CDH17: variants seen among roughly 807,000 people sequenced by gnomAD.
CDH17 encodes the protein cadherin 17.
Under a neutral mutation model 86.3 loss-of-function variants are expected in CDH17, and 67 were observed. The ratio of observed to expected loss-of-function variants is 0.78; its 90% CI spans 0.64 to 0.95. The LOEUF (loss-of-function observed/expected upper bound fraction) is 0.95. CDH17 is among the 40% of genes least tolerant of loss of function. The pLI, the probability that CDH17 is intolerant of heterozygous loss-of-function variation, is 0.00. For missense variants in CDH17, 993 were observed against 1,017.6 expected (o/e 0.98, Z 0.33); for synonymous variants, 367 against 366.4 (o/e 1.00, Z -0.02).
chr8:94,176,517 A>T (rs1813376708), intron 5 of CDH17, 24 bp downstream of exon 5: 10 of 1,611,964 alleles, frequency 6.2e-6, no homozygotes, highest in Non-Finnish European at 8.5e-6. Flanking sequence ...CTTTCCATAA[A>T]TATCTCTGGC....
In CDH17 at chr8:94,161,946, T is replaced by G. The variant is rs1017243998; in HGVS notation, c.1359+140A>C. The G allele has an allele frequency of 1.3e-4, 69 of 546,524 alleles. No individual in the cohort carries two copies. The African/African-American group carries it at 1.3e-3, about 10-fold the overall frequency. The allele number at this position is 546,524 out of a possible 1,614,324, so 33.9% of individuals were successfully genotyped here. A position where few individuals can be genotyped will look rare whatever the true frequency, so the allele number is the denominator to read the frequency against. On this transcript the variant is annotated intron_variant, in intron 11 of 17. Coordinates refer to ENST00000027335, the MANE Select transcript of CDH17 (RefSeq NM_004063.4). ...CCAAAAAGTTCCACTGAAGATGGCA[T>G]CTGGGTTATTTGTGCACTGACCAAG... is the stretch of plus-strand genomic sequence containing the variant.
chr8:94,198,298 T>G (rs1460962244), intron 1 of CDH17, among the ~76,000 whole-genome samples: 1 of 152,188 alleles, frequency 6.6e-6, no homozygotes, highest in Non-Finnish European at 1.5e-5. Context: ...TGCAACATAA[T>G]TAATTTGGTT....
intron 2 of CDH17, among the ~76,000 whole-genome samples, chr8:94,192,239 G>T (rs145381610): frequency 6.6e-6 from 1 of 152,326 alleles, no homozygotes; most frequent in East Asian, 1.9e-4. Context: ...TGTGGACACT[G>T]TGAATCATCA....
Position 94,132,152 on chromosome 8 carries a change from C to CT in CDH17, c.2168-1161dup, listed in dbSNP as rs1474893239. Among the ~76,000 whole-genome samples, 13 of 152,278 alleles carry CT rather than the reference C, an allele frequency of 8.5e-5. No homozygotes were observed. The East Asian group carries it at 2.3e-3, about 27-fold the overall frequency. On this transcript the variant is annotated intron_variant, in intron 15 of 17. Transcript: ENST00000027335. ...ACAATAAACATACGTGTGCACGTGTCTTTATAGTAGCATGGTTTATAATCC... is the reference window on the plus strand; with the variant it reads ...ACAATAAACATACGTGTGCACGTGTCTTTTATAGTAGCATGGTTTATAATCC...
intron 5 of CDH17, among the ~76,000 whole-genome samples, chr8:94,175,111 C>G (rs1586262512): frequency 6.6e-6 from 1 of 152,084 alleles, no homozygotes; most frequent in African/African-American, 2.4e-5. Flanking sequence ...CTAGAAAATT[C>G]TACAAATCAG....
intron 15 of CDH17, among the ~76,000 whole-genome samples, chr8:94,145,612 ATC>A (rs1812726024): frequency 6.6e-6 from 1 of 152,130 alleles, no homozygotes; most frequent in African/African-American, 2.4e-5. Flanking sequence ...GAATATATAT[ATC>A]TATCTCAAAG....
intron 3 of CDH17, among the ~76,000 whole-genome samples, chr8:94,181,896 C>A (rs564059695): frequency 2.0e-5 from 3 of 151,888 alleles, no homozygotes; most frequent in African/African-American, 7.2e-5. Context: ...TTTGGCTGGA[C>A]TGATCAAGAA....
At chr8:94,212,499 GT>G (rs34678816), upstream of CDH17, among the ~76,000 whole-genome samples, 12,799 of 148,152 alleles carry the variant, frequency 0.086, 1,806 homozygotes, top group African/African-American at 0.29. Context: ...CTGTTGTTGA[GT>G]TTTTTTTTTT....
At chr8:94,167,240 G>A (rs898402619) in intron 9 of CDH17, among the ~76,000 whole-genome samples, 2 of 152,094 alleles carry the variant, frequency 1.3e-5, no homozygotes, top group Non-Finnish European at 2.9e-5. Context: ...GCTATGACTC[G>A]GTTCTGCACC....
At chr8:94,174,534 A>G (rs1028296823) in intron 5 of CDH17, among the ~76,000 whole-genome samples, 1 of 152,232 alleles carries the variant, frequency 6.6e-6, no homozygotes, top group Admixed American at 6.5e-5. Flanking sequence ...CATTTAAAGT[A>G]CAAGATAATT....
At chr8:94,176,728 CA>C in intron 4 of CDH17, 49 bp from the exon 5 acceptor site, 1 of 1,559,486 alleles carries the variant, frequency 6.4e-7, no homozygotes, top group East Asian at 2.3e-5. Flanking sequence ...AACTTCATGT[CA>C]CATGCCCAAA....
At chr8:94,156,958 C>T (rs1812960687) in intron 12 of CDH17, among the ~76,000 whole-genome samples, 1 of 152,188 alleles carries the variant, frequency 6.6e-6, no homozygotes, top group Middle Eastern at 3.2e-3. Context: ...TAGTAAGTGG[C>T]AACACCAGGA....
intron 3 of CDH17, among the ~76,000 whole-genome samples, chr8:94,188,959 G>A (rs1333946632): frequency 6.6e-6 from 1 of 152,172 alleles, no homozygotes; most frequent in African/African-American, 2.4e-5. Flanking sequence ...AGAGGGCTGG[G>A]AGCACTCGCC....
At chr8:94,152,373 A>G (rs572652885) in intron 12 of CDH17, among the ~76,000 whole-genome samples, 3 of 152,286 alleles carry the variant, frequency 2.0e-5, no homozygotes, top group African/African-American at 7.2e-5. Context: ...TGGTCTTGGC[A>G]ATGATCTTTT....
chr8:94,159,899 G>A (rs1230383253), intron 12 of CDH17, 72 bp downstream of exon 12: 17 of 1,200,742 alleles, frequency 1.4e-5, no homozygotes, highest in Non-Finnish European at 2.0e-5. Flanking sequence ...TCTGCTTATA[G>A]GTCTTCACAC....
upstream of CDH17, among the ~76,000 whole-genome samples, chr8:94,210,970 G>A (rs1198375601): frequency 6.8e-6 from 1 of 147,038 alleles, no homozygotes; most frequent in Non-Finnish European, 1.5e-5. Context: ...GCATTGAGCC[G>A]AGATTGCACC....
intron 12 of CDH17, among the ~76,000 whole-genome samples, chr8:94,157,657 C>T (rs532942099): frequency 1.8e-4 from 27 of 152,350 alleles, no homozygotes; most frequent in Middle Eastern, 6.8e-3. Flanking sequence ...GCTCAAACAC[C>T]TGTGATCCCA....
rs766924797 is a variant in CDH17 at position 94,148,771 on chromosome 8, G to C, written c.1900C>G (p.Arg634Gly). The change falls in exon 14 of 18, where the codon CGG becomes GGG. Residue 634 changes from arginine (R) to glycine (G), a missense_variant. Physicochemically the swap from Arg to Gly is moderately radical, Grantham distance 125. Transcript: ENST00000027335. ...PLDREAGSPY[R>G]VQVVATEVGG... ...ACTTCTGTGGCCACCACTTGTACCC[G>C]ATATGGACTTCCGGCTTCTCTGTCC... 2.0e-6 allele frequency: 3 copies of C among 1,468,374 alleles called. No homozygotes were observed. Among genetic ancestry groups the C allele is most frequent in the Admixed American group, 1.9e-5 (1 of 52,502 alleles). 91.0% of individuals were successfully genotyped at this position (1,468,374 alleles called of 1,614,324 possible). A position where few individuals can be genotyped will look rare whatever the true frequency, so the allele number is the denominator to read the frequency against.
rs1423722708 is a variant in CDH17 at position 94,179,044 on chromosome 8, A to AT, written c.151-1324dup. ...TGCTTGCAAAATCCAAGGAATGTTT[A>AT]TTAAAAAAAAAAAAAAAAACTAAGG... is the stretch of plus-strand genomic sequence containing the variant. On this transcript the variant is annotated intron_variant, in intron 3 of 17. Coordinates refer to ENST00000027335, the MANE Select transcript of CDH17 (RefSeq NM_004063.4). Among the ~76,000 whole-genome samples, 557 of 99,528 alleles carry AT rather than the reference A, an allele frequency of 5.6e-3. 2 individuals carry two copies. Among genetic ancestry groups the AT allele is most frequent in the African/African-American group, 0.025 (474 of 19,316 alleles). The allele number at this position is 99,528 out of a possible 152,430, so 65.3% of individuals were successfully genotyped here. A position where few individuals can be genotyped will look rare whatever the true frequency, so the allele number is the denominator to read the frequency against.
Sources: allele counts gnomAD v4.1 joint callset (sites outside exome capture counted in the v4.1 genomes callset), GRCh38; gene constraint gnomAD v4.1.1; transcripts MANE v1.5; gene names NCBI Gene and HGNC (gene_info 2026-07-23, HGNC 2026-07-21).